The following LRTM3 variants were observed in gnomAD, a reference collection of about 807,000 sequenced individuals.
The protein encoded by LRTM3 is leucine-rich repeat transmembrane protein 3.
At chr13:102,748,081 C>G in the LRTM3 span, 3 of 1,550,982 alleles carry the variant, frequency 1.9e-6, no homozygotes, top group Non-Finnish European at 2.6e-6. Flanking sequence ...AATGACTGAG[C>G]CTTATTATTC....
the LRTM3 span, chr13:102,734,385 T>G: frequency 6.4e-7 from 1 of 1,551,358 alleles, no homozygotes; most frequent in South Asian, 1.2e-5. Flanking sequence ...AGTTTAAGGT[T>G]AGATGGCAAA....
chr13:102,758,550 C>T, the LRTM3 span: 1,250 of 1,547,528 alleles, frequency 8.1e-4, 9 homozygotes, highest in African/African-American at 0.015. Context: ...TACCAAGTTT[C>T]CTGCTTTTGG....
chr13:102,730,610 G>C, the LRTM3 span: 1 of 1,551,878 alleles, frequency 6.4e-7, no homozygotes, highest in Non-Finnish European at 8.7e-7. Flanking sequence ...CACAAGGGTT[G>C]GCTGTGGGAA....
the LRTM3 span, chr13:102,743,467 C>T: frequency 1.9e-6 from 3 of 1,549,672 alleles, no homozygotes; most frequent in Non-Finnish European, 1.7e-6. Flanking sequence ...TAGTAAACTG[C>T]CCACTGATTT....
the LRTM3 span, chr13:102,731,676 G>A: frequency 1.3e-6 from 2 of 1,551,284 alleles, no homozygotes; most frequent in South Asian, 2.4e-5. Flanking sequence ...CAAATGGGAA[G>A]TAAATGTTCT....
the LRTM3 span, chr13:102,743,818 A>T: frequency 6.5e-7 from 1 of 1,550,300 alleles, no homozygotes; most frequent in Non-Finnish European, 8.7e-7. Flanking sequence ...AACATTTGGC[A>T]TTGAATATAA....
chr13:102,738,300 CT>C, the LRTM3 span: 4 of 1,550,830 alleles, frequency 2.6e-6, no homozygotes, highest in African/African-American at 2.7e-5. Context: ...GCCACTCCAT[CT>C]GCTTTTTCCC....
the LRTM3 span, chr13:102,734,746 A>T: frequency 3.2e-6 from 5 of 1,551,108 alleles, no homozygotes; most frequent in South Asian, 5.9e-5. Flanking sequence ...GTGTTTCTTT[A>T]TCCAATTCTA....
At chr13:102,742,209 C>T in the LRTM3 span, 1 of 1,550,480 alleles carries the variant, frequency 6.4e-7, no homozygotes, top group East Asian at 2.4e-5. Context: ...TGGATGTTAC[C>T]TCTCAGTTCT....
the LRTM3 span, chr13:102,734,955 A>G: frequency 1.3e-6 from 2 of 1,551,158 alleles, no homozygotes; most frequent in Non-Finnish European, 8.7e-7. Context: ...GGCCTTATAC[A>G]TGTGCCTCCC....
At chr13:102,742,910 G>A in the LRTM3 span, 1 of 1,550,426 alleles carries the variant, frequency 6.4e-7, no homozygotes, top group Non-Finnish European at 8.7e-7. Flanking sequence ...ACTCAGTTCT[G>A]CACAATTATC....
chr13:102,748,408 C>A, the LRTM3 span: 6 of 1,551,244 alleles, frequency 3.9e-6, no homozygotes, highest in Non-Finnish European at 4.4e-6. Flanking sequence ...CATTTGACAA[C>A]TCCAGAACAA....
the LRTM3 span, chr13:102,746,914 C>A: frequency 5.2e-6 from 8 of 1,551,092 alleles, no homozygotes; most frequent in African/African-American, 8.2e-5. Flanking sequence ...TCTTCACATT[C>A]TCAGCATGAG....
At chr13:102,744,831 G>C in the LRTM3 span, 3 of 1,550,192 alleles carry the variant, frequency 1.9e-6, no homozygotes, top group South Asian at 2.4e-5. Context: ...CCACCATGTG[G>C]TGATTTCTGT....
the LRTM3 span, chr13:102,758,498 G>C: frequency 6.5e-7 from 1 of 1,535,386 alleles, no homozygotes; most frequent in Non-Finnish European, 8.8e-7. Context: ...AAAAGCTCAG[G>C]ATGAACAAGT....
At chr13:102,744,092 C>T in the LRTM3 span, 2 of 1,550,614 alleles carry the variant, frequency 1.3e-6, no homozygotes, top group Non-Finnish European at 1.7e-6. Context: ...TAATGCCTCT[C>T]CTATACTTGT....
the LRTM3 span, chr13:102,736,962 C>G: frequency 1.3e-6 from 2 of 1,550,988 alleles, no homozygotes; most frequent in African/African-American, 2.7e-5. Context: ...GTTCGTTTGT[C>G]TAATTTACAG....
chr13:102,729,587 G>A, the LRTM3 span: 3 of 1,534,364 alleles, frequency 2.0e-6, no homozygotes, highest in East Asian at 2.4e-5. Context: ...GGTTTCAGGG[G>A]GAATAGTCCA....
the LRTM3 span, chr13:102,749,122 A>G: frequency 1.3e-6 from 2 of 1,550,054 alleles, no homozygotes; most frequent in African/African-American, 1.4e-5. Flanking sequence ...CTTTCTTCTC[A>G]GTGTTATTCT....
Sources: gnomAD v4.1 joint callset for allele counts on GRCh38, gnomAD v4.1.1 for gene constraint, MANE v1.5 for transcripts, NCBI Gene and HGNC (gene_info 2026-07-23, HGNC 2026-07-21) for gene names.